The following CPNE8 variants were observed in gnomAD, a reference collection of about 807,000 sequenced individuals.
CPNE8 encodes copine 8, also known as copine-8.
Under a neutral mutation model 81.5 loss-of-function variants are expected in CPNE8, and 45 were observed. That is an observed-to-expected ratio of 0.55 (90% confidence interval 0.44 to 0.71). The LOEUF (loss-of-function observed/expected upper bound fraction) is 0.71, where lower values mean the gene tolerates loss of function less well. CPNE8 is among the 30% of genes least tolerant of loss of function. The pLI is 0.00. For missense variants in CPNE8, 594 were observed against 672.1 expected (o/e 0.88, Z 1.28); for synonymous variants, 252 against 226.3 (o/e 1.11, Z -1.02).
At chr12:38,845,786 G>C (rs1054266224) in intron 4 of CPNE8, among the ~76,000 whole-genome samples, 7 of 152,104 alleles carry the variant, frequency 4.6e-5, no homozygotes, top group Admixed American at 1.3e-4. Context: ...TGATAGCAAA[G>C]ACACTACATG....
chr12:38,849,057 C>A (rs140384416), intron 3 of CPNE8, among the ~76,000 whole-genome samples: 2 of 152,260 alleles, frequency 1.3e-5, no homozygotes, highest in African/African-American at 4.8e-5. Flanking sequence ...GTATTCATAA[C>A]CTTCCTCCTC....
chr12:38,891,144 T>G (rs1393622281), intron 1 of CPNE8, among the ~76,000 whole-genome samples: 1 of 151,924 alleles, frequency 6.6e-6, no homozygotes, highest in African/African-American at 2.4e-5. Context: ...TTGTCCAGGC[T>G]GATTTCAACC....
chr12:38,745,746 T>C (rs533689381), intron 10 of CPNE8, among the ~76,000 whole-genome samples: 3 of 152,268 alleles, frequency 2.0e-5, no homozygotes, highest in East Asian at 1.9e-4. Context: ...GGTCTCACTA[T>C]GTTACCCAGG....
At chr12:38,843,118 A>G (rs1170606147) in intron 4 of CPNE8, among the ~76,000 whole-genome samples, 3 of 152,192 alleles carry the variant, frequency 2.0e-5, no homozygotes, top group African/African-American at 7.2e-5. Flanking sequence ...CTGTGCCTAA[A>G]TTTAGTAACA....
At chr12:38,809,469 G>T (rs1942890884) in intron 6 of CPNE8, among the ~76,000 whole-genome samples, 1 of 152,106 alleles carries the variant, frequency 6.6e-6, no homozygotes, top group African/African-American at 2.4e-5. Context: ...CTATCTTAAG[G>T]TCAGCTAATT....
chr12:38,703,134 CACATA>C (rs2136691570), intron 13 of CPNE8, among the ~76,000 whole-genome samples: 1 of 152,160 alleles, frequency 6.6e-6, no homozygotes, highest in Admixed American at 6.6e-5. Flanking sequence ...TATTTATAGT[CACATA>C]CAATGAAAAC....
At chr12:38,747,151 T>C (rs936199080) in intron 10 of CPNE8, among the ~76,000 whole-genome samples, 1 of 152,224 alleles carries the variant, frequency 6.6e-6, no homozygotes, top group African/African-American at 2.4e-5. Flanking sequence ...TAAAACACTA[T>C]ATGCTCTACT....
chr12:38,855,086 T>C (rs1414192534), intron 3 of CPNE8, among the ~76,000 whole-genome samples: 1 of 152,050 alleles, frequency 6.6e-6, no homozygotes, highest in African/African-American at 2.4e-5. Context: ...ATCAGTAGTA[T>C]TTCTTTACAC....
At chr12:38,815,582 T>C (rs1943011181) in intron 6 of CPNE8, among the ~76,000 whole-genome samples, 1 of 152,212 alleles carries the variant, frequency 6.6e-6, no homozygotes, top group African/African-American at 2.4e-5. Context: ...TCTAAGATTT[T>C]AATAAATTCG....
intron 4 of CPNE8, among the ~76,000 whole-genome samples, chr12:38,841,714 T>C (rs1025861712): frequency 3.3e-5 from 5 of 152,114 alleles, no homozygotes; most frequent in African/African-American, 7.2e-5. Flanking sequence ...CTGGAGAAAG[T>C]AAATGAACCA....
At chr12:38,810,725 C>A (rs539716970) in intron 6 of CPNE8, among the ~76,000 whole-genome samples, 158 of 152,264 alleles carry the variant, frequency 1.0e-3, no homozygotes, top group Non-Finnish European at 2.0e-3. Context: ...GCTAAGTATT[C>A]TCTTTAGAAT....
At chr12:38,895,351 G>GGTAA (rs1430693564) in intron 1 of CPNE8, among the ~76,000 whole-genome samples, 3 of 151,958 alleles carry the variant, frequency 2.0e-5, no homozygotes, top group African/African-American at 7.3e-5. Flanking sequence ...TAGGGCCTGA[G>GGTAA]GTCAATTCTC....
At chr12:38,656,785 C>T (rs922075344) in intron 19 of CPNE8, among the ~76,000 whole-genome samples, 3 of 152,070 alleles carry the variant, frequency 2.0e-5, no homozygotes, top group African/African-American at 4.8e-5. Context: ...AGGAACTGGC[C>T]AGCAACTTAG....
chr12:38,732,037 T>C (rs1202788900), intron 10 of CPNE8, among the ~76,000 whole-genome samples: 1 of 151,774 alleles, frequency 6.6e-6, no homozygotes, highest in Non-Finnish European at 1.5e-5. Flanking sequence ...ACACAACGCT[T>C]TGATATCGAT....
At chr12:38,759,495 T>C (rs1941530996) in intron 10 of CPNE8, among the ~76,000 whole-genome samples, 1 of 152,180 alleles carries the variant, frequency 6.6e-6, no homozygotes, top group Non-Finnish European at 1.5e-5. Context: ...TAGAACTAAA[T>C]AATACATTAA....
At chr12:38,905,406 G>T in intron 1 of CPNE8, 31 bp downstream of exon 1, 1 of 1,547,508 alleles carries the variant, frequency 6.5e-7, no homozygotes. Flanking sequence ...AGATGAGAGG[G>T]CAGGAGAGAG....
chr12:38,738,801 CTTTTCTTTTTTTT>C (rs1371338643), intron 10 of CPNE8, among the ~76,000 whole-genome samples: 5 of 145,112 alleles, frequency 3.4e-5, no homozygotes, highest in African/African-American at 1.3e-4. Flanking sequence ...TAAAATTTTT[CTTTTCTTTTTTTT>C]TTTTCTTTTT....
At chr12:38,839,859 G>T in intron 5 of CPNE8, 57 bp downstream of exon 5, 1 of 1,401,280 alleles carries the variant, frequency 7.1e-7, no homozygotes, top group Non-Finnish European at 9.6e-7. Context: ...TAATAAGTCA[G>T]CATAAGTACT....
At chr12:38,772,848 A>T (rs11829660) in intron 7 of CPNE8, among the ~76,000 whole-genome samples, 9,434 of 152,166 alleles carry the variant, frequency 0.062, 961 homozygotes, top group African/African-American at 0.21. Flanking sequence ...TACACAAATA[A>T]GTCAAGATAT....
Sources: allele counts gnomAD v4.1 joint callset (sites outside exome capture counted in the v4.1 genomes callset), GRCh38; gene constraint gnomAD v4.1.1; transcripts MANE v1.5; gene names NCBI Gene and HGNC (gene_info 2026-07-23, HGNC 2026-07-21).